Variants in POP1 observed in about 807,000 individuals in gnomAD.
The protein encoded by POP1 is ribonucleases P/MRP protein subunit POP1.
POP1 carries 75 observed loss-of-function variants against 102.2 expected under a neutral mutation model. The observed-to-expected ratio is 0.73, with a 90% confidence interval of 0.61 to 0.89. The LOEUF is 0.89. Among genes scored for constraint, POP1 ranks in the 40% least tolerant of loss-of-function variants. POP1 has a pLI of 0.00. For synonymous variants in POP1, 436 were observed against 464.1 expected (o/e 0.94, Z 0.78); for missense variants, 1,116 against 1,267.4 (o/e 0.88, Z 1.81).
At chr8:98,140,937 C>T in intron 11 of POP1, 49 bp downstream of exon 11, 1 of 1,598,356 alleles carries the variant, frequency 6.3e-7, no homozygotes, top group Non-Finnish European at 8.6e-7. Flanking sequence ...TCGAGCAGTC[C>T]AGTCTTATTA....
Position 98,152,042 on chromosome 8 carries a change from C to T in POP1, c.2057+1403C>T, listed in dbSNP as rs371435275. Among the ~76,000 whole-genome samples the T allele has an allele frequency of 2.5e-4, 38 of 152,172 alleles. No individual in the cohort carries two copies. The South Asian group carries it at 7.3e-3, about 29-fold the overall frequency. On this transcript the variant is annotated intron_variant, in intron 14 of 15. Coordinates refer to ENST00000401707, the MANE Select transcript of POP1 (RefSeq NM_001145860.2). ...AGCCACCCTGCCTGGCCTGTGCCTG[C>T]GTTTCAAACTATTTGCTGAGTGGTG...
intron 7 of POP1, among the ~76,000 whole-genome samples, chr8:98,136,065 A>T (rs1816529029): frequency 1.1e-5 from 1 of 88,616 alleles, no homozygotes; most frequent in Non-Finnish European, 2.4e-5. Context: ...TACAAATGTG[A>T]TTTTTTTTTA....
At chr8:98,157,511 T>C (rs1809680870) in intron 15 of POP1, 106 bp from the exon 16 acceptor site, 1 of 1,311,722 alleles carries the variant, frequency 7.6e-7, no homozygotes, top group East Asian at 2.4e-5. Flanking sequence ...TTGATTCTTA[T>C]ATAGTATAAA....
At chr8:98,127,459 A>C in intron 2 of POP1, 136 bp from the exon 3 acceptor site, 1 of 1,014,444 alleles carries the variant, frequency 9.9e-7, no homozygotes, top group Non-Finnish European at 1.5e-6. Context: ...CTTTAAAAAT[A>C]AGTAGTAATA....
At position 98,130,179 on chromosome 8, in the gene POP1, A is replaced by G. The variant is rs1816341163; in HGVS notation, c.688A>G (p.Ser230Gly). The G allele has an allele frequency of 6.2e-7, 1 of 1,614,062 alleles. No homozygotes were observed. Among genetic ancestry groups the G allele is most frequent in the African/African-American group, 1.3e-5 (1 of 74,918 alleles). ...CCTTGGGGAGAGGCCAACAGTCAAG[A>G]GCCACAGAGCCTGCTATCGAGCCAT... is the stretch of plus-strand genomic sequence containing the variant. Reference protein sequence around the residue: ...YCLGERPTVKSHRACYRAMTN... With the variant: ...YCLGERPTVKGHRACYRAMTN... The change falls in exon 5 of 16, where the codon AGC (serine) becomes GGC (glycine). Residue 230 changes from serine (S) to glycine (G), a missense_variant. Ser to Gly is a moderately conservative substitution (Grantham distance 56, BLOSUM62 0). Transcript: ENST00000401707.
At chr8:98,137,106 T>C in intron 9 of POP1, 152 bp downstream of exon 9, 1 of 702,288 alleles carries the variant, frequency 1.4e-6, no homozygotes, top group Non-Finnish European at 2.4e-6. Flanking sequence ...GATTTTGTTA[T>C]CTTTCACTTC....
At position 98,134,466 on chromosome 8, in the gene POP1, T is replaced by C. The variant is rs1816472385; in HGVS notation, c.824-6T>C. On this transcript the variant is annotated splice_region_variant and splice_polypyrimidine_tract_variant and intron_variant, in intron 6 of 15. Transcript: ENST00000401707. ...AATTATGGAATTTTGCTTTTGTTGA[T>C]GTCAGGGCTGACGTTTGCAGCAGTT... is the stretch of plus-strand genomic sequence containing the variant. The C allele has an allele frequency of 6.2e-6, 10 of 1,613,860 alleles. No individual in the cohort carries two copies. Among genetic ancestry groups the C allele is most frequent in the Non-Finnish European group, 8.5e-6 (10 of 1,180,002 alleles).
intron 13 of POP1, 108 bp downstream of exon 13, chr8:98,149,114 G>A: frequency 9.1e-7 from 1 of 1,100,136 alleles, no homozygotes; most frequent in Non-Finnish European, 1.3e-6. Flanking sequence ...GAGGAATTGA[G>A]TGGTGTATTT....
intron 11 of POP1, among the ~76,000 whole-genome samples, chr8:98,142,720 C>T (rs999923253): frequency 2.0e-5 from 3 of 152,098 alleles, no homozygotes; most frequent in African/African-American, 7.2e-5. Context: ...TCCCTTTAAA[C>T]ACTCTTTGGT....
chr8:98,146,667 A>G lies in POP1; in HGVS notation c.1694A>G (p.Asn565Ser). The change falls in exon 12 of 16, where the codon AAT (asparagine) becomes AGT (serine). Residue 565 changes from asparagine to serine, a missense_variant. Asn to Ser is a conservative substitution (Grantham distance 46). Coordinates refer to ENST00000401707, the MANE Select transcript of POP1 (RefSeq NM_001145860.2). ...NQDICKSVTE[N>S]KISDQDLNRM... ...GATATCTGTAAGAGTGTCACAGAGAATAAAATCTCGGATCAGGTAACTAAT... is the reference window on the plus strand; with the variant it reads ...GATATCTGTAAGAGTGTCACAGAGAGTAAAATCTCGGATCAGGTAACTAAT... 1 of 1,611,380 alleles carries G rather than the reference A, an allele frequency of 6.2e-7. No individual in the cohort carries two copies. The highest frequency in any genetic ancestry group is 1.7e-5 in the Admixed American group (1 of 60,022).
At position 98,151,740 on chromosome 8, in the gene POP1, C is replaced by CTTT. The variant is rs755019200; in HGVS notation, c.2057+1119_2057+1121dup. ...AGAGACAGGCAGTCTGCCTGGCTTG[C>CTTT]TTTTTTTTTTTTTTTTTTTTGAGGC... On this transcript the variant is annotated intron_variant, in intron 14 of 15. Coordinates refer to ENST00000401707, the MANE Select transcript of POP1 (RefSeq NM_001145860.2). 3.6e-3 allele frequency among the ~76,000 whole-genome samples: 410 copies of CTTT among 112,892 alleles called. 15 individuals are homozygous for CTTT. The highest frequency in any genetic ancestry group is 0.01 in the African/African-American group (282 of 27,530). The allele number at this position is 112,892 out of a possible 152,430, so 74.1% of individuals were successfully genotyped here.
rs758820378 is a variant in POP1 at position 98,136,852 on chromosome 8, C to T, written c.1269-9C>T. 9 of 1,613,022 alleles carry T rather than the reference C, an allele frequency of 5.6e-6. No homozygotes were observed. In the African/African-American group the frequency reaches 9.3e-5, roughly 17 times the overall value. ...AAGTTTCCATTTTAAGATGTTCTTT[C>T]TTTTTCAGCGATTTGACGATGGAGA... On this transcript the variant is annotated splice_polypyrimidine_tract_variant and intron_variant, in intron 8 of 15. Transcript: ENST00000401707.
Position 98,141,695 on chromosome 8 carries a change from A to G in POP1, c.1594+807A>G, listed in dbSNP as rs971678311. Among the ~76,000 whole-genome samples, 12 of 151,264 alleles carry G rather than the reference A, an allele frequency of 7.9e-5. 1 individual carries two copies. The highest frequency in any genetic ancestry group is 2.9e-4 in the African/African-American group (12 of 41,252). ...CAGCCTCCTGAGTAGCTGAAATTACAGGCATCCACCACAACGCCTGGCTAA... is the reference window on the plus strand; with the variant it reads ...CAGCCTCCTGAGTAGCTGAAATTACGGGCATCCACCACAACGCCTGGCTAA... On this transcript the variant is annotated intron_variant, in intron 11 of 15. Transcript: ENST00000401707.
At chr8:98,120,510 C>A (rs538146700) in intron 1 of POP1, among the ~76,000 whole-genome samples, 33 of 152,302 alleles carry the variant, frequency 2.2e-4, no homozygotes, top group African/African-American at 7.5e-4. Context: ...CTCACTCTAT[C>A]GCCCAGGCTG....
At chr8:98,130,562 G>A (rs1816354825) in intron 5 of POP1, among the ~76,000 whole-genome samples, 1 of 152,116 alleles carries the variant, frequency 6.6e-6, no homozygotes, top group Non-Finnish European at 1.5e-5. Context: ...GAGGGGGAAG[G>A]CAGAAGGAAG....
At chr8:98,136,377 A>C in intron 7 of POP1, 105 bp from the exon 8 acceptor site, 1 of 1,357,552 alleles carries the variant, frequency 7.4e-7, no homozygotes, top group Non-Finnish European at 1.0e-6. Context: ...TGCCTGGCCA[A>C]AAATGTTAAT....
At chr8:98,147,580 G>A (rs777013822) in intron 12 of POP1, among the ~76,000 whole-genome samples, 1 of 152,172 alleles carries the variant, frequency 6.6e-6, no homozygotes, top group Non-Finnish European at 1.5e-5. Context: ...GCAGTGTGGG[G>A]TTGGAGATGG....
intron 1 of POP1, among the ~76,000 whole-genome samples, chr8:98,118,310 T>C (rs1284245026): frequency 6.6e-6 from 1 of 152,248 alleles, no homozygotes; most frequent in African/African-American, 2.4e-5. Flanking sequence ...TCCTGAATAC[T>C]CTTTCTTCCT....
At chr8:98,148,743 T>G (rs1183665054) in intron 12 of POP1, 72 bp from the exon 13 acceptor site, 1 of 1,334,044 alleles carries the variant, frequency 7.5e-7, no homozygotes, top group Non-Finnish European at 1.1e-6. Context: ...CTAAAGCTGC[T>G]TATAGGGAGA....
Sources: allele counts gnomAD v4.1 joint callset (sites outside exome capture counted in the v4.1 genomes callset), GRCh38; gene constraint gnomAD v4.1.1; transcripts MANE v1.5; gene names NCBI Gene and HGNC (gene_info 2026-07-23, HGNC 2026-07-21).